ZNF469: variants seen among roughly 807,000 people sequenced by gnomAD.
ZNF469 encodes zinc finger protein 469.
Under a neutral mutation model 1.0 loss-of-function variants are expected in ZNF469, and 1 was observed. That is an observed-to-expected ratio of 1.00 (90% CI 0.35 to 4.73). The LOEUF is 4.73. Ranked by LOEUF, ZNF469 falls within the 30% of genes most tolerant of loss-of-function variation. The pLI is 0.16. For missense variants in ZNF469, 6,100 were observed against 5,356.3 expected, an observed-to-expected ratio of 1.14 and a Z score of -4.33; for synonymous variants, 2,703 against 2,363.4, an observed-to-expected ratio of 1.14 and a Z score of -4.17.
the ZNF469 span, among the ~76,000 whole-genome samples, chr16:88,206,093 C>A: frequency 6.6e-6 from 1 of 152,186 alleles, no homozygotes; most frequent in South Asian, 2.1e-4. Flanking sequence ...TGCTGACCCC[C>A]CGTGTTTTCC....
chr16:88,305,604 A>G, the ZNF469 span, among the ~76,000 whole-genome samples: 3 of 148,174 alleles, frequency 2.0e-5, no homozygotes, highest in East Asian at 6.3e-4. Context: ...ACCCTCACAC[A>G]TGCACACACA....
At position 88,428,149 on chromosome 16, in the gene ZNF469, T is replaced by A. The variant is rs866090371; in HGVS notation, c.679T>A (p.Tyr227Asn). Residue 227 changes from tyrosine (Y) to asparagine (N), a missense_variant, in exon 3 of 3, where the codon TAC becomes AAC. Transcript: ENST00000565624. ...SPLQPGSYPE[Y>N]QASGADSWPP... ...CCTCCAGCCCGGTTCCTATCCCGAATACCAGGCCAGTGGGGCCGACTCCTG... is the reference window on the plus strand; with the variant it reads ...CCTCCAGCCCGGTTCCTATCCCGAAAACCAGGCCAGTGGGGCCGACTCCTG... The A allele has an allele frequency of 1.9e-6, 3 of 1,550,064 alleles. No homozygotes were observed. Among genetic ancestry groups the A allele is most frequent in the African/African-American group, 2.7e-5 (2 of 73,144 alleles).
At chr16:88,337,756 G>T in the ZNF469 span, among the ~76,000 whole-genome samples, 1 of 152,214 alleles carries the variant, frequency 6.6e-6, no homozygotes, top group African/African-American at 2.4e-5. Flanking sequence ...TTTCCCTGGT[G>T]GCTGATGGTG....
the ZNF469 span, among the ~76,000 whole-genome samples, chr16:88,323,139 G>T: frequency 1.4e-3 from 220 of 152,318 alleles, 1 homozygote; most frequent in African/African-American, 5.1e-3. Flanking sequence ...CCGTTCCCTG[G>T]GTGCCCATGT....
At chr16:88,215,099 T>C in the ZNF469 span, among the ~76,000 whole-genome samples, 361 of 152,350 alleles carry the variant, frequency 2.4e-3, 1 homozygote, top group Non-Finnish European at 3.8e-3. Context: ...TATAATTCTG[T>C]CAGGCATGTC....
intron 1 of ZNF469, among the ~76,000 whole-genome samples, chr16:88,404,147 T>C (rs1904962582): frequency 6.6e-6 from 1 of 151,638 alleles, no homozygotes; most frequent in African/African-American, 2.4e-5. Context: ...TTTAAACATA[T>C]ACAAGAGCAG....
chr16:88,229,570 C>CG, the ZNF469 span, among the ~76,000 whole-genome samples: 25 of 149,916 alleles, frequency 1.7e-4, no homozygotes, highest in East Asian at 3.5e-3. Flanking sequence ...GGATGTCACG[C>CG]TTGTGCGCTG....
chr16:88,330,240 C>T, the ZNF469 span, among the ~76,000 whole-genome samples: 9,326 of 152,298 alleles, frequency 0.061, 356 homozygotes, highest in East Asian at 0.13. Flanking sequence ...ATCCTGTGGG[C>T]GTCCTGTGAG....
At chr16:88,408,950 C>G (rs1905078348) in intron 1 of ZNF469, among the ~76,000 whole-genome samples, 1 of 152,238 alleles carries the variant, frequency 6.6e-6, no homozygotes, top group Non-Finnish European at 1.5e-5. Flanking sequence ...CTGCTGTATC[C>G]TATCCAGCCC....
the ZNF469 span, among the ~76,000 whole-genome samples, chr16:88,230,152 C>T: frequency 1.1e-4 from 17 of 152,310 alleles, no homozygotes; most frequent in African/African-American, 3.8e-4. Context: ...CTTTCATTGA[C>T]GATGGAATGA....
chr16:88,244,292 A>C, the ZNF469 span, among the ~76,000 whole-genome samples: 5 of 140,730 alleles, frequency 3.6e-5, no homozygotes, highest in Non-Finnish European at 7.7e-5. Flanking sequence ...TGGATGAATG[A>C]CTGGATGGGT....
At chr16:88,401,014 C>A (rs1445590732) in intron 1 of ZNF469, among the ~76,000 whole-genome samples, 1 of 152,048 alleles carries the variant, frequency 6.6e-6, no homozygotes, top group Non-Finnish European at 1.5e-5. Flanking sequence ...AAGAAGAGGC[C>A]ATTGTCCCCC....
At chr16:88,277,170 C>G in the ZNF469 span, among the ~76,000 whole-genome samples, 2 of 150,612 alleles carry the variant, frequency 1.3e-5, no homozygotes, top group Non-Finnish European at 2.9e-5. Context: ...TAGTGCTGCA[C>G]CACACCGACG....
chr16:88,381,112 GCA>G (rs1157827810), upstream of ZNF469, among the ~76,000 whole-genome samples: 28 of 48,252 alleles, frequency 5.8e-4, no homozygotes, highest in Admixed American at 1.6e-3. Flanking sequence ...ACATGCACTC[GCA>G]CACACGCACA....
At chr16:88,406,570 C>T (rs1905034750) in intron 1 of ZNF469, among the ~76,000 whole-genome samples, 2 of 152,230 alleles carry the variant, frequency 1.3e-5, no homozygotes, top group South Asian at 2.1e-4. Flanking sequence ...AAAGCTGTCC[C>T]TGCCCAGGGT....
chr16:88,260,104 A>G, the ZNF469 span, among the ~76,000 whole-genome samples: 23 of 149,944 alleles, frequency 1.5e-4, no homozygotes, highest in African/African-American at 5.6e-4. This position sits in a 1 kb window ranked among gnomAD's most constrained non-coding sequence, Gnocchi z 4.1. Flanking sequence ...CAGCCTCCTG[A>G]GTGGCTGGGA....
the ZNF469 span, among the ~76,000 whole-genome samples, chr16:88,258,447 C>T: frequency 3.1e-4 from 44 of 141,390 alleles, no homozygotes; most frequent in African/African-American, 1.1e-3. Flanking sequence ...CCTACATTGC[C>T]GATGGCCTTC....
chr16:88,409,447 G>T (rs1444718355), intron 1 of ZNF469, among the ~76,000 whole-genome samples: 2 of 152,140 alleles, frequency 1.3e-5, no homozygotes, highest in African/African-American at 2.4e-5. Flanking sequence ...CAGGACACAG[G>T]CCAGTCACCT....
chr16:88,390,695 T>C (rs1904462087), intron 1 of ZNF469, among the ~76,000 whole-genome samples: 1 of 152,062 alleles, frequency 6.6e-6, no homozygotes, highest in Non-Finnish European at 1.5e-5. Context: ...AGCCAGCAGG[T>C]AGACTAGGGA....
Sources: gnomAD v4.1 joint callset for allele counts (sites outside exome capture counted in the v4.1 genomes callset) on GRCh38, gnomAD v4.1.1 for gene constraint, Gnocchi (gnomAD v3.1) non-coding constraint, MANE v1.5 for transcripts, NCBI Gene and HGNC (gene_info 2026-07-23, HGNC 2026-07-21) for gene names.